The following CNTNAP2 variants were observed in gnomAD, a reference collection of about 807,000 sequenced individuals.
CNTNAP2 encodes contactin-associated protein-like 2.
CNTNAP2 carries 98 observed loss-of-function variants against 155.2 expected under a neutral mutation model. That is an observed-to-expected ratio of 0.63 (90% CI 0.54 to 0.75). The LOEUF (loss-of-function observed/expected upper bound fraction) is 0.75, where lower values mean the gene tolerates loss of function less well. Ranked by LOEUF, CNTNAP2 falls within the 30% of genes least tolerant of loss-of-function variation. CNTNAP2 has a pLI of 0.00. For missense variants in CNTNAP2, 1,727 were observed against 1,688.1 expected (o/e 1.02, Z -0.40); for synonymous variants, 651 against 631.2 (o/e 1.03, Z -0.47).
chr7:147,773,408 G>A (rs73458238), intron 13 of CNTNAP2, among the ~76,000 whole-genome samples: 438 of 152,090 alleles, frequency 2.9e-3, no homozygotes, highest in African/African-American at 0.01. Flanking sequence ...AGGCCAAGGC[G>A]GTCGATCACC....
At chr7:146,573,088 G>T (rs181597757) in intron 1 of CNTNAP2, among the ~76,000 whole-genome samples, 1 of 152,004 alleles carries the variant, frequency 6.6e-6, no homozygotes, top group Admixed American at 6.6e-5. Context: ...TCTCCATTTC[G>T]TACAGTGCTT....
intron 13 of CNTNAP2, among the ~76,000 whole-genome samples, chr7:147,879,168 A>G (rs963411660): frequency 3.9e-5 from 6 of 152,198 alleles, no homozygotes; most frequent in Non-Finnish European, 5.9e-5. Context: ...TAGCAAATTG[A>G]TACACAGGGG....
chr7:147,955,986 T>C (rs1043268255), intron 14 of CNTNAP2, among the ~76,000 whole-genome samples: 1 of 152,172 alleles, frequency 6.6e-6, no homozygotes, highest in Non-Finnish European at 1.5e-5. Flanking sequence ...AAGAATTCCA[T>C]AGTAAAGTAA....
chr7:147,669,672 C>T (rs1474933725), intron 13 of CNTNAP2, among the ~76,000 whole-genome samples: 7 of 152,080 alleles, frequency 4.6e-5, no homozygotes, highest in Non-Finnish European at 1.0e-4. Context: ...TCTGGGTGCC[C>T]GGGCAAGCCC....
intron 1 of CNTNAP2, among the ~76,000 whole-genome samples, chr7:146,714,770 G>C (rs929587961): frequency 2.6e-5 from 4 of 152,052 alleles, no homozygotes; most frequent in African/African-American, 7.2e-5. Context: ...ATACTTGATG[G>C]CACATTACTG....
intron 13 of CNTNAP2, among the ~76,000 whole-genome samples, chr7:147,736,242 G>T (rs7804249): frequency 1 from 150,691 of 151,330 alleles, 75,029 homozygotes; most frequent in Middle Eastern, 1. Flanking sequence ...CTCAGCATTT[G>T]CTTGTCTATA....
At chr7:147,413,626 T>G (rs1242597686) in intron 10 of CNTNAP2, among the ~76,000 whole-genome samples, 1 of 152,160 alleles carries the variant, frequency 6.6e-6, no homozygotes, top group Non-Finnish European at 1.5e-5. Flanking sequence ...GTTCAGTACT[T>G]CTCAATATTT....
At chr7:147,858,689 TGTAGACATAGCCACACAGGGAGG>T (rs1237752239) in intron 13 of CNTNAP2, among the ~76,000 whole-genome samples, 1 of 152,086 alleles carries the variant, frequency 6.6e-6, no homozygotes, top group Non-Finnish European at 1.5e-5. Flanking sequence ...AAGAAAGACA[TGTAGACATAGCCACACAGGGAGG>T]GCGCCAGGTG....
chr7:146,877,299 C>T (rs949051160), intron 3 of CNTNAP2, among the ~76,000 whole-genome samples: 6 of 148,740 alleles, frequency 4.0e-5, no homozygotes, highest in East Asian at 2.0e-4. Flanking sequence ...GCTAAGAGTT[C>T]GAAATCAGCC....
intron 1 of CNTNAP2, among the ~76,000 whole-genome samples, chr7:146,368,050 T>A (rs535823195): frequency 6.6e-6 from 1 of 152,094 alleles, no homozygotes; most frequent in African/African-American, 2.4e-5. Context: ...TTGCTTTGAG[T>A]TCTTAGGTAC....
intron 1 of CNTNAP2, among the ~76,000 whole-genome samples, chr7:146,151,322 A>G (rs1798033786): frequency 6.6e-6 from 1 of 152,036 alleles, no homozygotes; most frequent in African/African-American, 2.4e-5. Flanking sequence ...GAGTATGTGA[A>G]TATAGTACTC....
chr7:147,769,829 G>A (rs757902763), intron 13 of CNTNAP2, among the ~76,000 whole-genome samples: 7 of 152,048 alleles, frequency 4.6e-5, no homozygotes, highest in South Asian at 2.1e-4. Context: ...TGGGTTACAC[G>A]GCATGCTGTG....
At chr7:146,439,654 A>G (rs1303830638) in intron 1 of CNTNAP2, among the ~76,000 whole-genome samples, 1 of 151,496 alleles carries the variant, frequency 6.6e-6, no homozygotes, top group Non-Finnish European at 1.5e-5. Context: ...CTTTCCACAA[A>G]ACAGAATTTT....
At chr7:147,158,734 T>C (rs1348713279) in intron 8 of CNTNAP2, among the ~76,000 whole-genome samples, 1 of 152,058 alleles carries the variant, frequency 6.6e-6, no homozygotes, top group Non-Finnish European at 1.5e-5. Context: ...GTCTCTATCA[T>C]TTTCCCTTCC....
chr7:148,297,165 A>AGAAGGAAGGAAGG (rs1554413952), intron 21 of CNTNAP2, among the ~76,000 whole-genome samples: 1 of 128,832 alleles, frequency 7.8e-6, no homozygotes, highest in Non-Finnish European at 1.6e-5. Flanking sequence ...GAGATAGAGA[A>AGAAGGAAGGAAGG]AAGGAAGGAA....
intron 15 of CNTNAP2, among the ~76,000 whole-genome samples, chr7:148,107,890 T>G (rs533453642): frequency 2.6e-5 from 4 of 152,322 alleles, no homozygotes; most frequent in Admixed American, 2.6e-4. Flanking sequence ...GCAGCCCCAG[T>G]GTGAGCCATT....
intron 9 of CNTNAP2, among the ~76,000 whole-genome samples, chr7:147,395,396 G>A (rs1796796986): frequency 1.3e-5 from 2 of 151,918 alleles, no homozygotes; most frequent in African/African-American, 2.4e-5. Context: ...ACATTTACCT[G>A]GTAACCCATT....
At chr7:147,152,255 C>T (rs893123787) in intron 8 of CNTNAP2, among the ~76,000 whole-genome samples, 13 of 151,760 alleles carry the variant, frequency 8.6e-5, no homozygotes, top group African/African-American at 3.1e-4. Flanking sequence ...TGTTCTCTGC[C>T]TTCTGCTTGC....
intron 13 of CNTNAP2, among the ~76,000 whole-genome samples, chr7:147,660,567 G>A (rs1206198633): frequency 2.0e-5 from 3 of 152,140 alleles, no homozygotes; most frequent in Admixed American, 6.6e-5. Flanking sequence ...ACATCACCTC[G>A]TGCGTATGGT....
Sources: gnomAD v4.1 joint callset for allele counts (sites outside exome capture counted in the v4.1 genomes callset) on GRCh38, gnomAD v4.1.1 for gene constraint, MANE v1.5 for transcripts, NCBI Gene and HGNC (gene_info 2026-07-23, HGNC 2026-07-21) for gene names.